The following LDLRAD3 variants were observed in gnomAD, a reference collection of about 807,000 sequenced individuals.
LDLRAD3 encodes low density lipoprotein receptor class A domain containing 3.
Under a neutral mutation model 29.4 loss-of-function variants are expected in LDLRAD3, and 20 were observed. The observed-to-expected ratio is 0.68, with a 90% CI of 0.48 to 0.99. The LOEUF (loss-of-function observed/expected upper bound fraction) is 0.99, where lower values mean the gene tolerates loss of function less well. Ranked by LOEUF, LDLRAD3 falls within the 50% of genes least tolerant of loss-of-function variation. The pLI is 0.00. For synonymous variants in LDLRAD3, 157 were observed against 192.7 expected, an observed-to-expected ratio of 0.81 and a Z score of 1.53; for missense variants, 420 against 454.3, an observed-to-expected ratio of 0.92 and a Z score of 0.69.
intron 4 of LDLRAD3, among the ~76,000 whole-genome samples, chr11:36,188,564 TA>T (rs1278251562): frequency 6.6e-6 from 1 of 152,042 alleles, no homozygotes; most frequent in African/African-American, 2.4e-5. Flanking sequence ...AGAGATGGGC[TA>T]AAAATGGGAA....
At chr11:35,955,463 T>C (rs1182952643) in intron 1 of LDLRAD3, among the ~76,000 whole-genome samples, 1 of 152,182 alleles carries the variant, frequency 6.6e-6, no homozygotes, top group Non-Finnish European at 1.5e-5. Flanking sequence ...ATGTTACTCT[T>C]ATTAAAAGAA....
intron 4 of LDLRAD3, among the ~76,000 whole-genome samples, chr11:36,188,940 A>G (rs915427511): frequency 7.9e-5 from 12 of 151,804 alleles, no homozygotes; most frequent in African/African-American, 2.7e-4. Context: ...GCGCAACTGA[A>G]TCATCTAATG....
intron 2 of LDLRAD3, among the ~76,000 whole-genome samples, chr11:36,043,796 G>A (rs1852412568): frequency 1.3e-5 from 2 of 152,186 alleles, no homozygotes; most frequent in Admixed American, 1.3e-4. Context: ...AATTCCAAGG[G>A]CCTTCTGAAG....
chr11:36,097,008 T>C lies in LDLRAD3; in HGVS notation c.320-1319T>C, dbSNP rs60640402. Among the ~76,000 whole-genome samples the C allele has an allele frequency of 5.3e-5, 8 of 152,370 alleles. No homozygotes were observed. The East Asian group carries it at 1.4e-3, about 26-fold the overall frequency. ...GAATCACACTGCAGGTAAATTGTAC[T>C]GTAGAAATACTAGTTTTCTGTGGAG... On this transcript the variant is annotated intron_variant, in intron 3 of 5. Coordinates refer to ENST00000315571, the MANE Select transcript of LDLRAD3 (RefSeq NM_174902.4).
chr11:35,951,491 C>G (rs1173902588), intron 1 of LDLRAD3, among the ~76,000 whole-genome samples: 1 of 152,166 alleles, frequency 6.6e-6, no homozygotes, highest in African/African-American at 2.4e-5. Context: ...TTGCTTTGCT[C>G]GGCTCTTGAA....
chr11:35,965,169 T>G (rs1851324390), intron 1 of LDLRAD3, among the ~76,000 whole-genome samples: 1 of 152,172 alleles, frequency 6.6e-6, no homozygotes, highest in South Asian at 2.1e-4. Flanking sequence ...CCGCTTTTAT[T>G]TGATCAGATG....
At chr11:36,005,567 C>G (rs1851873918) in intron 1 of LDLRAD3, among the ~76,000 whole-genome samples, 1 of 152,212 alleles carries the variant, frequency 6.6e-6, no homozygotes, top group Non-Finnish European at 1.5e-5. Context: ...CTGCCTTCTT[C>G]TGAGCTCTCC....
At chr11:36,036,963 G>A (rs541382579) in intron 2 of LDLRAD3, among the ~76,000 whole-genome samples, 11 of 152,316 alleles carry the variant, frequency 7.2e-5, no homozygotes, top group African/African-American at 2.4e-4. Context: ...GGGGATGTGA[G>A]TTGAGAGGGG....
intron 1 of LDLRAD3, among the ~76,000 whole-genome samples, chr11:35,960,853 C>T (rs548893688): frequency 5.6e-4 from 86 of 152,332 alleles, no homozygotes; most frequent in Admixed American, 1.0e-3. Flanking sequence ...CCTCGCCTCC[C>T]AAAGTGCTGG....
At chr11:36,175,614 G>A (rs771400247) in intron 4 of LDLRAD3, among the ~76,000 whole-genome samples, 3 of 152,140 alleles carry the variant, frequency 2.0e-5, no homozygotes, top group Non-Finnish European at 4.4e-5. Flanking sequence ...TATTTGCATG[G>A]TTTTAAGGGT....
At chr11:36,224,449 A>G (rs1855471810) in intron 4 of LDLRAD3, among the ~76,000 whole-genome samples, 1 of 152,218 alleles carries the variant, frequency 6.6e-6, no homozygotes, top group Non-Finnish European at 1.5e-5. Flanking sequence ...CACATACACA[A>G]GCCTCCACCC....
At chr11:36,217,099 C>G (rs2133385955) in intron 4 of LDLRAD3, among the ~76,000 whole-genome samples, 1 of 152,244 alleles carries the variant, frequency 6.6e-6, no homozygotes, top group Non-Finnish European at 1.5e-5. Flanking sequence ...TTGTGTATAT[C>G]AAAGGAAGAG....
intron 1 of LDLRAD3, among the ~76,000 whole-genome samples, chr11:36,010,604 A>G (rs145802991): frequency 6.6e-6 from 1 of 152,252 alleles, no homozygotes; most frequent in Non-Finnish European, 1.5e-5. Context: ...GTTAAGTCCA[A>G]GTTCTATAGT....
intron 4 of LDLRAD3, among the ~76,000 whole-genome samples, chr11:36,106,869 G>C (rs530650829): frequency 1.3e-5 from 2 of 152,220 alleles, no homozygotes; most frequent in Non-Finnish European, 1.5e-5. Flanking sequence ...CCGTGGATGC[G>C]GGGCTTGCTT....
intron 1 of LDLRAD3, 56 bp from the exon 2 acceptor site, chr11:36,036,047 G>T: frequency 6.4e-7 from 1 of 1,565,498 alleles, no homozygotes; most frequent in South Asian, 1.2e-5. Context: ...TCAGTTGAGG[G>T]GCGCTGAGGT....
At chr11:36,042,851 C>G (rs562910531) in intron 2 of LDLRAD3, among the ~76,000 whole-genome samples, 1 of 152,130 alleles carries the variant, frequency 6.6e-6, no homozygotes, top group African/African-American at 2.4e-5. Context: ...TCCATCACAG[C>G]CCCCAGAGGG....
chr11:36,185,911 C>T (rs1472106679), intron 4 of LDLRAD3, among the ~76,000 whole-genome samples: 1 of 152,162 alleles, frequency 6.6e-6, no homozygotes, highest in Non-Finnish European at 1.5e-5. Context: ...CCTAGCAATA[C>T]CTAGAGATGA....
intron 4 of LDLRAD3, among the ~76,000 whole-genome samples, chr11:36,134,239 G>A (rs11033450): frequency 0.35 from 53,813 of 151,996 alleles, 9,753 homozygotes; most frequent in African/African-American, 0.42. Context: ...ACATTGAAAT[G>A]CATTGTACAC....
At chr11:35,948,050 G>C (rs1297534870) in intron 1 of LDLRAD3, among the ~76,000 whole-genome samples, 1 of 151,870 alleles carries the variant, frequency 6.6e-6, no homozygotes, top group Non-Finnish European at 1.5e-5. Context: ...TGTGTGTGTG[G>C]GTGAGTGACA....
Sources: allele counts gnomAD v4.1 joint callset (sites outside exome capture counted in the v4.1 genomes callset), GRCh38; gene constraint gnomAD v4.1.1; transcripts MANE v1.5; gene names NCBI Gene and HGNC (gene_info 2026-07-23, HGNC 2026-07-21).